Variants in CPXM2 observed in about 807,000 individuals in gnomAD.
CPXM2 encodes carboxypeptidase X, M14 family member 2.
In CPXM2, 66 loss-of-function variants were observed where a neutral mutation model predicts 86.1. That is an observed-to-expected ratio of 0.77 (90% CI 0.63 to 0.94). The LOEUF (loss-of-function observed/expected upper bound fraction) is 0.94. CPXM2 is among the 40% of genes least tolerant of loss of function. The pLI is 0.00. For synonymous variants in CPXM2, 388 were observed against 400.2 expected (o/e 0.97, Z 0.36); for missense variants, 948 against 1,026.3 (o/e 0.92, Z 1.04).
At chr10:123,881,197 T>C (rs1945083016) in intron 1 of CPXM2, among the ~76,000 whole-genome samples, 2 of 134,710 alleles carry the variant, frequency 1.5e-5, no homozygotes, top group South Asian at 2.3e-4. Context: ...ACCAGAACTG[T>C]GTACTATGTT....
At chr10:123,787,355 G>A (rs749807199) in intron 6 of CPXM2, among the ~76,000 whole-genome samples, 1 of 152,056 alleles carries the variant, frequency 6.6e-6, no homozygotes, top group Non-Finnish European at 1.5e-5. Context: ...GGACTCCTGA[G>A]CCCCAAACCA....
At chr10:123,877,181 T>C (rs1945002203) in intron 2 of CPXM2, among the ~76,000 whole-genome samples, 3 of 152,214 alleles carry the variant, frequency 2.0e-5, no homozygotes, top group Admixed American at 2.0e-4. Flanking sequence ...CTGCAATTAA[T>C]GCATGGTAAA....
In CPXM2 at chr10:123,924,474, C is replaced by T. The variant is rs1053867556; in HGVS notation, n.174+15003G>A. ...ATTATAAAGTCTATGGTAAAGGACA[C>T]AGATGAATAGCCAGAAGAAGAGGCA... On this transcript the variant is annotated intron_variant and non_coding_transcript_variant, in intron 2 of 19. Coordinates refer to the CPXM2 transcript ENST00000368854. Among the ~76,000 whole-genome samples the T allele has an allele frequency of 3.3e-5, 5 of 152,204 alleles. No individual in the cohort carries two copies. In the South Asian group the frequency reaches 1.0e-3, roughly 32 times the overall value.
At chr10:123,904,078 G>T (rs955370689) in intron 2 of CPXM2, among the ~76,000 whole-genome samples, 4 of 152,182 alleles carry the variant, frequency 2.6e-5, no homozygotes, top group Non-Finnish European at 4.4e-5. Context: ...ATTAAAACCA[G>T]TATACCATTT....
At chr10:123,781,129 C>T (rs775243834) in intron 6 of CPXM2, among the ~76,000 whole-genome samples, 1 of 152,150 alleles carries the variant, frequency 6.6e-6, no homozygotes, top group African/African-American at 2.4e-5. Context: ...ATAAAGAACC[C>T]CCTTTGCAGC....
In CPXM2 at chr10:123,934,297, G is replaced by C. The variant is rs1051984664; in HGVS notation, n.174+5180C>G. Among the ~76,000 whole-genome samples, 3 of 152,136 alleles carry C rather than the reference G, an allele frequency of 2.0e-5. No homozygotes were observed. In the South Asian group the frequency reaches 6.2e-4, roughly 32 times the overall value. ...CTGGAAGCCAGGAGTCTGAAATGGC[G>C]GTGTCAGCAGAACCACATGCCTCTG... is the stretch of plus-strand genomic sequence containing the variant. On this transcript the variant is annotated intron_variant and non_coding_transcript_variant, in intron 2 of 19. Transcript: ENST00000368854.
chr10:123,922,405 T>A (rs1388579710), intron 2 of CPXM2, among the ~76,000 whole-genome samples: 1 of 152,136 alleles, frequency 6.6e-6, no homozygotes, highest in Non-Finnish European at 1.5e-5. Context: ...AGGGTAAAAA[T>A]GTTTCTGGAT....
At chr10:123,803,072 A>G (rs564364969) in intron 4 of CPXM2, among the ~76,000 whole-genome samples, 7 of 147,868 alleles carry the variant, frequency 4.7e-5, no homozygotes, top group African/African-American at 1.2e-4. Flanking sequence ...ATATATTGCA[A>G]ACATCTCCTC....
At chr10:123,784,831 C>T (rs1218838551) in intron 6 of CPXM2, among the ~76,000 whole-genome samples, 2 of 152,182 alleles carry the variant, frequency 1.3e-5, no homozygotes, top group African/African-American at 4.8e-5. Flanking sequence ...CTCCCGTTCA[C>T]GTACGATTGA....
chr10:123,758,059 G>A (rs1395954453), intron 11 of CPXM2, among the ~76,000 whole-genome samples: 1 of 152,064 alleles, frequency 6.6e-6, no homozygotes, highest in African/African-American at 2.4e-5. Flanking sequence ...TCGCTGCTTG[G>A]GGACTCGTAG....
At chr10:123,919,864 G>C (rs1945567089) in intron 2 of CPXM2, among the ~76,000 whole-genome samples, 1 of 152,200 alleles carries the variant, frequency 6.6e-6, no homozygotes, top group Non-Finnish European at 1.5e-5. Context: ...TGAAAAGGAG[G>C]CAGGGTGGGG....
At chr10:123,775,696 G>C (rs1846768678) in intron 7 of CPXM2, among the ~76,000 whole-genome samples, 1 of 152,228 alleles carries the variant, frequency 6.6e-6, no homozygotes, top group Admixed American at 6.5e-5. Flanking sequence ...GCATGCCACT[G>C]TGCCATGGTG....
chr10:123,889,339 G>A (rs573830659), intron 1 of CPXM2, among the ~76,000 whole-genome samples: 29 of 152,108 alleles, frequency 1.9e-4, no homozygotes, highest in Non-Finnish European at 2.8e-4. Context: ...GAAGCATTAC[G>A]CAAGCCCCCA....
upstream of CPXM2, among the ~76,000 whole-genome samples, chr10:123,942,364 G>A (rs540843279): frequency 7.8e-4 from 118 of 152,172 alleles, no homozygotes; most frequent in Non-Finnish European, 1.5e-3. Flanking sequence ...GGATGAGATA[G>A]GAGGTCAGCA....
chr10:123,840,995 G>A (rs1175310430), intron 4 of CPXM2, among the ~76,000 whole-genome samples: 1 of 152,230 alleles, frequency 6.6e-6, no homozygotes, highest in East Asian at 1.9e-4. Context: ...CAAGACATGA[G>A]CTTTGAGAGT....
chr10:123,814,719 C>G (rs1023031363), intron 4 of CPXM2, among the ~76,000 whole-genome samples: 1 of 152,106 alleles, frequency 6.6e-6, no homozygotes, highest in African/African-American at 2.4e-5. Context: ...TTGTTGTGAA[C>G]TGTTTAGAGA....
At chr10:123,880,436 G>T in intron 1 of CPXM2, 127 bp from the exon 2 acceptor site, 1 of 630,490 alleles carries the variant, frequency 1.6e-6, no homozygotes, top group Non-Finnish European at 2.9e-6. Flanking sequence ...CCTAAAGATG[G>T]GGTCTTGGAC....
At position 123,762,068 on chromosome 10, in the gene CPXM2, G is replaced by A. The variant is rs200492616; in HGVS notation, c.1581C>T (p.Tyr527=). Reference sequence around the variant, plus strand: ...TCTTCCAGGGGGACCGCACCAGGTCGTAGGGGTACGCCACCACCAGCTCGC... The same window carrying A: ...TCTTCCAGGGGGACCGCACCAGGTCATAGGGGTACGCCACCACCAGCTCGC... ...QGGELVVAYP[Y]DLVRSPWKTQ... is the part of the protein sequence containing the mutation. The change falls in exon 11 of 14, where the codon TAC becomes TAT. Residue 527 remains tyrosine, a synonymous_variant. Transcript: ENST00000241305. 23 of 1,614,114 alleles carry A rather than the reference G, an allele frequency of 1.4e-5. No homozygotes were observed. The highest frequency in any genetic ancestry group is 1.0e-4 in the Admixed American group (6 of 60,020).
At chr10:123,788,557 G>A (rs551106218) in intron 6 of CPXM2, among the ~76,000 whole-genome samples, 4 of 152,198 alleles carry the variant, frequency 2.6e-5, no homozygotes, top group Admixed American at 1.3e-4. Flanking sequence ...GCTTGTTCCC[G>A]CCCTTGCCTT....
Sources: gnomAD v4.1 joint callset for allele counts (sites outside exome capture counted in the v4.1 genomes callset) on GRCh38, gnomAD v4.1.1 for gene constraint, MANE v1.5 for transcripts, NCBI Gene and HGNC (gene_info 2026-07-23, HGNC 2026-07-21) for gene names.